The following PPM1E variants were observed in gnomAD, a reference collection of about 807,000 sequenced individuals.
PPM1E encodes protein phosphatase 1E.
Under a neutral mutation model 65.9 loss-of-function variants are expected in PPM1E, and 20 were observed. The ratio of observed to expected loss-of-function variants is 0.30; its 90% CI spans 0.21 to 0.44. PPM1E has a LOEUF of 0.44. Ranked by LOEUF, PPM1E falls within the 20% of genes least tolerant of loss-of-function variation. The pLI, the probability that PPM1E is intolerant of heterozygous loss-of-function variation, is 1.00. For missense variants in PPM1E, 713 were observed against 953.1 expected, an observed-to-expected ratio of 0.75 and a Z score of 3.32; for synonymous variants, 352 against 374.9, an observed-to-expected ratio of 0.94 and a Z score of 0.70.
chr17:58,933,578 C>T (rs1004231400), intron 1 of PPM1E, among the ~76,000 whole-genome samples: 4 of 150,720 alleles, frequency 2.7e-5, no homozygotes, highest in Admixed American at 2.6e-4. Context: ...GGTGGATCAC[C>T]TGAGATCAGG....
intron 1 of PPM1E, among the ~76,000 whole-genome samples, chr17:58,829,893 G>A (rs188274490): frequency 2.1e-3 from 324 of 152,194 alleles, no homozygotes; most frequent in Non-Finnish European, 3.4e-3. Flanking sequence ...AGAATTACAG[G>A]TTAAAGGCCA....
At chr17:58,788,358 A>G (rs1444193475) in intron 1 of PPM1E, among the ~76,000 whole-genome samples, 2 of 152,032 alleles carry the variant, frequency 1.3e-5, no homozygotes, top group African/African-American at 2.4e-5. Context: ...TTTTCATCCA[A>G]AGAGTTAGAG....
intron 1 of PPM1E, among the ~76,000 whole-genome samples, chr17:58,872,866 C>T (rs1186877999): frequency 6.6e-6 from 1 of 152,130 alleles, no homozygotes; most frequent in Non-Finnish European, 1.5e-5. Context: ...TGTTACATTT[C>T]AAGGAAGTGA....
At position 58,980,503 on chromosome 17, in the gene PPM1E, T is replaced by G. The variant is rs369695755; in HGVS notation, c.1740T>G (p.Pro580=). The G allele has an allele frequency of 1.4e-4, 234 of 1,614,002 alleles. No individual in the cohort carries two copies. Among genetic ancestry groups the G allele is most frequent in the Non-Finnish European group, 1.9e-4 (226 of 1,180,020 alleles). The change falls in exon 7 of 7, where the codon CCT becomes CCG. Residue 580 remains proline, a synonymous_variant. Transcript: ENST00000308249. The surrounding 1 kb of genome is among the most constrained non-coding windows in gnomAD (Gnocchi z 4.7). ...TCACACAAATAGAAGCAAGCAAACC[T>G]CACAGTGCCCAGTTTTTGCTACCAG... The part of the protein sequence containing the change: ...LDLTQIEASK[P]HSAQFLLPVE...
At chr17:58,791,654 C>G (rs1248795415) in intron 1 of PPM1E, among the ~76,000 whole-genome samples, 5 of 152,162 alleles carry the variant, frequency 3.3e-5, no homozygotes, top group Admixed American at 1.3e-4. Flanking sequence ...TACCTACACC[C>G]AGGATCGATG....
At position 58,755,959 on chromosome 17, in the gene PPM1E, C is replaced by T. The variant is rs374807017; in HGVS notation, c.-39C>T. On this transcript the variant is annotated 5_prime_UTR_variant, in exon 1 of 7. Transcript: ENST00000308249. ...GCCCCTTACCCTTCCTGGGCTTCCC[C>T]CAACCCCTTTCCCGGTCTGCCCTGG... 6.3e-5 allele frequency: 101 copies of T among 1,613,168 alleles called. No individual in the cohort carries two copies. In the African/African-American group the frequency reaches 1.2e-3, roughly 19 times the overall value.
intron 1 of PPM1E, among the ~76,000 whole-genome samples, chr17:58,895,763 C>T (rs976056326): frequency 3.3e-5 from 5 of 151,872 alleles, no homozygotes; most frequent in Admixed American, 2.0e-4. Flanking sequence ...CGAACCATAG[C>T]GACACGACTG....
intron 1 of PPM1E, among the ~76,000 whole-genome samples, chr17:58,781,931 A>G (rs1402515010): frequency 6.6e-6 from 1 of 152,040 alleles, no homozygotes; most frequent in Non-Finnish European, 1.5e-5. Context: ...TTTTCTTGGG[A>G]TGGTAAGATT....
At chr17:58,949,754 C>G (rs1248101984) in intron 1 of PPM1E, among the ~76,000 whole-genome samples, 2 of 151,968 alleles carry the variant, frequency 1.3e-5, no homozygotes, top group African/African-American at 4.8e-5. Context: ...TTTTTATTTC[C>G]AGATGTAAGA....
At chr17:58,775,803 A>T (rs2049987960) in intron 1 of PPM1E, among the ~76,000 whole-genome samples, 1 of 149,788 alleles carries the variant, frequency 6.7e-6, no homozygotes, top group African/African-American at 2.5e-5. Flanking sequence ...AGTCCCAGCT[A>T]CTCGGGAGGC....
At chr17:58,979,857 T>G in intron 6 of PPM1E, 117 bp from the exon 7 acceptor site, 2 of 780,334 alleles carry the variant, frequency 2.6e-6, no homozygotes, top group Non-Finnish European at 4.0e-6. Flanking sequence ...TTCTTTCCAG[T>G]CAAGTCAGTT....
intron 1 of PPM1E, among the ~76,000 whole-genome samples, chr17:58,931,067 A>T (rs1211959015): frequency 6.6e-4 from 28 of 42,662 alleles, no homozygotes; most frequent in Non-Finnish European, 1.0e-3. Context: ...TACAAAAATT[A>T]AAAAAAAAAA....
At chr17:58,874,167 A>C (rs2051104247) in intron 1 of PPM1E, among the ~76,000 whole-genome samples, 1 of 152,166 alleles carries the variant, frequency 6.6e-6, no homozygotes, top group African/African-American at 2.4e-5. Context: ...TTAATTCAGG[A>C]AACATAGTTG....
chr17:58,882,008 A>T, intron 1 of PPM1E, among the ~76,000 whole-genome samples: 1 of 150,842 alleles, frequency 6.6e-6, no homozygotes, highest in Non-Finnish European at 1.5e-5. Flanking sequence ...AAAAAAAAAA[A>T]AAAAAAAAAA....
At chr17:58,974,216 G>T (rs925556369) in intron 6 of PPM1E, among the ~76,000 whole-genome samples, 1 of 152,128 alleles carries the variant, frequency 6.6e-6, no homozygotes, top group Admixed American at 6.5e-5. Context: ...GCCTTTCTCC[G>T]TATTTTATCC....
chr17:58,824,821 G>A (rs567396186), intron 1 of PPM1E, among the ~76,000 whole-genome samples: 2 of 151,022 alleles, frequency 1.3e-5, no homozygotes, highest in Non-Finnish European at 1.5e-5. Flanking sequence ...TGTTAGCCAG[G>A]ATGGTCTCAA....
chr17:58,850,373 G>A lies in PPM1E; in HGVS notation c.464+93912G>A, dbSNP rs185861518. 6.8e-4 allele frequency among the ~76,000 whole-genome samples: 104 copies of A among 152,268 alleles called. 1 individual carries two copies. In the East Asian group the frequency reaches 0.02, roughly 29 times the overall value. Reference sequence around the variant, plus strand: ...GTTGATGCAGTTTCTTCCTCGCATCGATGGTCTTTACAATTTGGCATGTTT... The same window carrying A: ...GTTGATGCAGTTTCTTCCTCGCATCAATGGTCTTTACAATTTGGCATGTTT... On this transcript the variant is annotated intron_variant, in intron 1 of 6. Coordinates refer to ENST00000308249, the MANE Select transcript of PPM1E (RefSeq NM_014906.5).
At chr17:58,806,557 G>A (rs1301370046) in intron 1 of PPM1E, among the ~76,000 whole-genome samples, 1 of 152,080 alleles carries the variant, frequency 6.6e-6, no homozygotes, top group Non-Finnish European at 1.5e-5. Flanking sequence ...TCTCCAACAA[G>A]GGCTCAGCAT....
rs367822898 is a variant in PPM1E, at chr17:58,755,962, A to G, written c.-36A>G. On this transcript the variant is annotated 5_prime_UTR_variant, in exon 1 of 7. Transcript: ENST00000308249. ...CCTTACCCTTCCTGGGCTTCCCCCA[A>G]CCCCTTTCCCGGTCTGCCCTGGGGC... 5.0e-6 allele frequency: 8 copies of G among 1,613,034 alleles called. No individual in the cohort carries two copies. The highest frequency in any genetic ancestry group is 1.7e-5 in the Admixed American group (1 of 59,940).
Sources: gnomAD v4.1 joint callset for allele counts (sites outside exome capture counted in the v4.1 genomes callset) on GRCh38, gnomAD v4.1.1 for gene constraint, Gnocchi (gnomAD v3.1) non-coding constraint, MANE v1.5 for transcripts, NCBI Gene and HGNC (gene_info 2026-07-23, HGNC 2026-07-21) for gene names.